Variants in FBXO11 observed in about 807,000 individuals in gnomAD.
FBXO11 encodes the protein F-box only protein 11.
Under a neutral mutation model 117.0 loss-of-function variants are expected in FBXO11, and 13 were observed. That is an observed-to-expected ratio of 0.11 (90% confidence interval 0.07 to 0.18). The LOEUF (loss-of-function observed/expected upper bound fraction) is 0.18, where lower values mean the gene tolerates loss of function less well. Among genes scored for constraint, FBXO11 ranks in the 10% least tolerant of loss-of-function variants. The probability of loss-of-function intolerance (pLI) is 1.00; values close to 1 mark genes in which losing one functional copy is unlikely to be tolerated. For synonymous variants in FBXO11, 490 were observed against 380.5 expected (o/e 1.29, Z -3.35); for missense variants, 767 against 1,164.4 (o/e 0.66, Z 4.97).
rs372175536 is a variant in FBXO11 at position 47,826,649 on chromosome 2, T to C, written c.1399-3289A>G. ...GTTAGATTAGTGTGCTATTCAGAGT[T>C]GAGCCATAAAATATGACTTCTTTGC... On this transcript the variant is annotated intron_variant, in intron 11 of 22. Coordinates refer to ENST00000403359, the MANE Select transcript of FBXO11 (RefSeq NM_001190274.2). Among the ~76,000 whole-genome samples, 40 of 152,338 alleles carry C rather than the reference T, an allele frequency of 2.6e-4. No homozygotes were observed. In the South Asian group the frequency reaches 7.7e-3, roughly 29 times the overall value.
chr2:47,809,215 C>G lies in FBXO11; in HGVS notation c.2498G>C (p.Gly833Ala). Reference protein sequence around the residue: ...QDAIEKAVSRGQCLYKISSYT... With the variant: ...QDAIEKAVSRAQCLYKISSYT... The stretch of plus-strand genomic sequence containing the variant: ...ACTTGATATTTTATATAAACATTGG[C>G]CTCTACTAACAGCCTTTTCTATGGC... Residue 833 changes from glycine (G) to alanine (A), a missense_variant, in exon 21 of 23, where the codon GGC becomes GCC. Physicochemically the swap from Gly to Ala is moderately conservative, Grantham distance 60 (BLOSUM62 0). This residue lies in a region of FBXO11 where 66 missense variants were observed against 82.7 expected (regional missense o/e 0.80). Transcript: ENST00000403359. 1 of 1,607,178 alleles carries G rather than the reference C, an allele frequency of 6.2e-7. No individual in the cohort carries two copies. Among genetic ancestry groups the G allele is most frequent in the Non-Finnish European group, 8.5e-7 (1 of 1,175,400 alleles).
In FBXO11 at chr2:47,887,890, C is replaced by G. The variant is rs549082714; in HGVS notation, c.232+17599G>C. Among the ~76,000 whole-genome samples the G allele has an allele frequency of 3.3e-5, 5 of 152,158 alleles. No individual in the cohort carries two copies. In the South Asian group the frequency reaches 1.0e-3, roughly 32 times the overall value. Reference sequence around the variant, plus strand: ...CCATTAGCGGGCTTGGAGGGACACACCTGTAGTCCTAGCTACTGGCGCAGA... The same window carrying G: ...CCATTAGCGGGCTTGGAGGGACACAGCTGTAGTCCTAGCTACTGGCGCAGA... On this transcript the variant is annotated intron_variant, in intron 1 of 22. Transcript: ENST00000403359.
intron 1 of FBXO11, among the ~76,000 whole-genome samples, chr2:47,870,469 G>A (rs1297605738): frequency 3.3e-5 from 5 of 152,158 alleles, no homozygotes; most frequent in African/African-American, 1.2e-4. Context: ...AATAGGACTA[G>A]TGTCCTCATA....
rs948655270 is a variant in FBXO11, at chr2:47,883,882, G to C, written c.232+21607C>G. The C allele has an allele frequency of 3.4e-5, 6 of 174,522 alleles. No individual in the cohort carries two copies. In the South Asian group the frequency reaches 3.8e-4, roughly 11 times the overall value. 10.8% of individuals were successfully genotyped at this position (174,522 alleles called of 1,614,324 possible). A position where few individuals can be genotyped will look rare whatever the true frequency, so the allele number is the denominator to read the frequency against. On this transcript the variant is annotated intron_variant, in intron 1 of 22. Coordinates refer to ENST00000403359, the MANE Select transcript of FBXO11 (RefSeq NM_001190274.2). Reference sequence around the variant, plus strand: ...CAGATATTATTGTGGCAAATGTCTGGCTTATTGCTTCAACAAACCAGAAGA... The same window carrying C: ...CAGATATTATTGTGGCAAATGTCTGCCTTATTGCTTCAACAAACCAGAAGA...
At chr2:47,810,982 T>G (rs1670571195) in intron 18 of FBXO11, 1 of 152,252 alleles carries the variant, frequency 6.6e-6, no homozygotes, top group African/African-American at 2.4e-5. Flanking sequence ...AAAATATCCC[T>G]CCAACCTACT....
intron 1 of FBXO11, among the ~76,000 whole-genome samples, chr2:47,904,937 G>T (rs1255864223): frequency 6.6e-6 from 1 of 151,926 alleles, no homozygotes; most frequent in Non-Finnish European, 1.5e-5. Flanking sequence ...CGGGGGGGCG[G>T]GGGAAACAAG....
At chr2:47,828,159 T>G (rs1467384135) in intron 11 of FBXO11, among the ~76,000 whole-genome samples, 2 of 152,104 alleles carry the variant, frequency 1.3e-5, no homozygotes, top group Admixed American at 6.6e-5. Flanking sequence ...TTTAGAATAT[T>G]TCTTTAGTAG....
intron 13 of FBXO11, among the ~76,000 whole-genome samples, chr2:47,822,016 T>C (rs1441856415): frequency 6.6e-6 from 1 of 152,078 alleles, no homozygotes; most frequent in Non-Finnish European, 1.5e-5. Context: ...AGCCCAGAAG[T>C]CTGAGGCTGC....
In FBXO11 at chr2:47,831,330, C is replaced by T. The variant is rs1427996600; in HGVS notation, c.1398+1019G>A. Among the ~76,000 whole-genome samples the T allele has an allele frequency of 1.1e-4, 16 of 149,412 alleles. No individual in the cohort carries two copies. The East Asian group carries it at 3.0e-3, about 28-fold the overall frequency. On this transcript the variant is annotated intron_variant, in intron 11 of 22. Coordinates refer to ENST00000403359, the MANE Select transcript of FBXO11 (RefSeq NM_001190274.2). Reference sequence around the variant, plus strand: ...ACTTGGAAGGCTGAGACATGAGAATCGCTTGAACCAGGAGGTGGAGGTTGC... The same window carrying T: ...ACTTGGAAGGCTGAGACATGAGAATTGCTTGAACCAGGAGGTGGAGGTTGC...
intron 1 of FBXO11, among the ~76,000 whole-genome samples, chr2:47,862,589 G>C (rs1271713164): frequency 2.6e-5 from 4 of 152,192 alleles, no homozygotes; most frequent in African/African-American, 7.2e-5. Context: ...TTGGCTAAAA[G>C]GGCAAATGTT....
chr2:47,888,052 A>G (rs1427044337), intron 1 of FBXO11, among the ~76,000 whole-genome samples: 1 of 151,868 alleles, frequency 6.6e-6, no homozygotes. Context: ...AGATATATAT[A>G]TATGTATGTA....
At chr2:47,841,531 A>T (rs1411954520) in intron 1 of FBXO11, among the ~76,000 whole-genome samples, 1 of 152,204 alleles carries the variant, frequency 6.6e-6, no homozygotes, top group Non-Finnish European at 1.5e-5. Context: ...AAGAAACTCT[A>T]CAGGTCCAAC....
intron 1 of FBXO11, among the ~76,000 whole-genome samples, chr2:47,893,093 G>A (rs1181345474): frequency 1.3e-5 from 2 of 151,976 alleles, no homozygotes; most frequent in African/African-American, 4.8e-5. Flanking sequence ...AGTAGAGGCT[G>A]TAGTGAGTCA....
rs7576242 is a variant in FBXO11, at chr2:47,844,720, C to T, written c.233-4951G>A. ...CGGCTGGAGTGCAGTGGTGGGATCT[C>T]GACTCACTGCAACCTCCGTTTCCCT... On this transcript the variant is annotated intron_variant, in intron 1 of 22. Coordinates refer to ENST00000403359, the MANE Select transcript of FBXO11 (RefSeq NM_001190274.2). 4.3e-3 allele frequency among the ~76,000 whole-genome samples: 651 copies of T among 152,272 alleles called. 5 individuals carry two copies. Among genetic ancestry groups the T allele is most frequent in the African/African-American group, 0.015 (620 of 41,536 alleles).
Position 47,808,168 on chromosome 2 carries a change from G to A in FBXO11, c.2734C>T (p.Leu912=). The A allele has an allele frequency of 6.2e-7, 1 of 1,613,442 alleles. No homozygotes were observed. The highest frequency in any genetic ancestry group is 8.5e-7 in the Non-Finnish European group (1 of 1,179,864). The part of the protein sequence containing the change: ...AGEPTHDTDT[L]YDSAPPIESN... ...TCTATAGGTGGAGCAGAGTCATATA[G>A]TGTATCTGTATCATGTGTAGGCTCA... Residue 912 remains leucine (L), a synonymous_variant, in exon 23 of 23, where the codon CTA becomes TTA. Coordinates refer to ENST00000403359, the MANE Select transcript of FBXO11 (RefSeq NM_001190274.2).
intron 11 of FBXO11, among the ~76,000 whole-genome samples, chr2:47,830,536 T>G (rs1197956665): frequency 2.0e-5 from 3 of 152,152 alleles, no homozygotes; most frequent in Non-Finnish European, 4.4e-5. Flanking sequence ...GCAAATATTT[T>G]AAACCTTTGC....
At chr2:47,813,913 C>G (rs1234577131) in intron 16 of FBXO11, 46 bp from the exon 17 acceptor site, 7 of 1,376,410 alleles carry the variant, frequency 5.1e-6, no homozygotes, top group Non-Finnish European at 7.3e-6. Context: ...GCTTCTACTC[C>G]CATATCTTCA....
In FBXO11 at chr2:47,807,591, A is replaced by AGAT. The variant is rs1670310972; in HGVS notation, c.*524_*526dup. ...AAACAGGGCACATTCAAGTACAGTA[A>AGAT]GATTTTGCTTGAAATTAAAAACAAA... On this transcript the variant is annotated 3_prime_UTR_variant, in exon 23 of 23. Coordinates refer to ENST00000403359, the MANE Select transcript of FBXO11 (RefSeq NM_001190274.2). 2 of 218,258 alleles carry AGAT rather than the reference A, an allele frequency of 9.2e-6. No individual in the cohort carries two copies. Among genetic ancestry groups the AGAT allele is most frequent in the Non-Finnish European group, 9.2e-6 (1 of 108,420 alleles). 13.5% of individuals were successfully genotyped at this position (218,258 alleles called of 1,614,324 possible).
At chr2:47,819,993 T>G (rs1269346226) in intron 14 of FBXO11, among the ~76,000 whole-genome samples, 1 of 152,196 alleles carries the variant, frequency 6.6e-6, no homozygotes, top group Non-Finnish European at 1.5e-5. Flanking sequence ...TGGCAGAACT[T>G]CAGTGACTCA....
Sources: allele counts gnomAD v4.1 joint callset (sites outside exome capture counted in the v4.1 genomes callset), GRCh38; gene constraint gnomAD v4.1.1; regional missense constraint gnomAD v4.1.1; transcripts MANE v1.5; gene names NCBI Gene and HGNC (gene_info 2026-07-23, HGNC 2026-07-21).